Variants in EYA3 observed in about 807,000 individuals in gnomAD.
EYA3 encodes the protein protein phosphatase EYA3.
EYA3 carries 39 observed loss-of-function variants against 80.0 expected under a neutral mutation model. The ratio of observed to expected loss-of-function variants is 0.49; its 90% confidence interval spans 0.38 to 0.64. EYA3 has a LOEUF of 0.64. Ranked by LOEUF, EYA3 falls within the 30% of genes least tolerant of loss-of-function variation. The probability of loss-of-function intolerance (pLI) is 0.00; values close to 1 mark genes in which losing one functional copy is unlikely to be tolerated. For missense variants in EYA3, 523 were observed against 676.1 expected (o/e 0.77, Z 2.51); for synonymous variants, 206 against 232.8 (o/e 0.88, Z 1.05).
intron 9 of EYA3, among the ~76,000 whole-genome samples, chr1:28,012,777 G>A (rs6691100): frequency 0.24 from 35,858 of 152,054 alleles, 4,352 homozygotes; most frequent in Non-Finnish European, 0.27. Context: ...CAAAACCTGC[G>A]CAAGACTAAA....
At chr1:28,074,673 C>T (rs529114406) in intron 1 of EYA3, among the ~76,000 whole-genome samples, 39 of 152,236 alleles carry the variant, frequency 2.6e-4, no homozygotes, top group Non-Finnish European at 5.0e-4. Flanking sequence ...TAAAGTCTAA[C>T]ATTTGGGCTT....
At chr1:28,008,552 T>C (rs1344132319) in intron 10 of EYA3, among the ~76,000 whole-genome samples, 4 of 152,032 alleles carry the variant, frequency 2.6e-5, no homozygotes, top group Admixed American at 2.0e-4. Context: ...GAAGATTATA[T>C]ATCTGATTAA....
At chr1:28,034,636 G>T (rs967679744) in intron 6 of EYA3, among the ~76,000 whole-genome samples, 5 of 152,060 alleles carry the variant, frequency 3.3e-5, no homozygotes, top group Admixed American at 2.0e-4. Context: ...CTAAAAGTAA[G>T]AAAGCTGCCA....
At chr1:27,984,181 C>T (rs927120334) in intron 16 of EYA3, among the ~76,000 whole-genome samples, 1 of 152,166 alleles carries the variant, frequency 6.6e-6, no homozygotes, top group Non-Finnish European at 1.5e-5. Flanking sequence ...GGATTACAGG[C>T]ACTCACCACC....
At chr1:28,064,376 CTCTA>C (rs1190021257) in intron 1 of EYA3, among the ~76,000 whole-genome samples, 119 of 111,836 alleles carry the variant, frequency 1.1e-3, no homozygotes, top group Middle Eastern at 4.5e-3. Context: ...CTCTCTCTCT[CTCTA>C]TATATATATA....
chr1:28,079,406 T>G (rs946550371), intron 1 of EYA3, among the ~76,000 whole-genome samples: 1 of 152,210 alleles, frequency 6.6e-6, no homozygotes, highest in Non-Finnish European at 1.5e-5. Context: ...TCCTCAGTCC[T>G]CTTTTTTTGG....
chr1:28,068,998 G>T (rs899229233), intron 1 of EYA3, among the ~76,000 whole-genome samples: 14 of 151,866 alleles, frequency 9.2e-5, no homozygotes, highest in African/African-American at 1.5e-4. Flanking sequence ...GTAGAAACAG[G>T]GTTTCACCAT....
At chr1:28,084,755 T>TA (rs1317966943) in intron 1 of EYA3, among the ~76,000 whole-genome samples, 1 of 150,740 alleles carries the variant, frequency 6.6e-6, no homozygotes, top group Non-Finnish European at 1.5e-5. Context: ...ACTACAGGCA[T>TA]ACGCCGCCAC....
intron 14 of EYA3, among the ~76,000 whole-genome samples, chr1:27,992,434 G>A (rs1364654763): frequency 6.6e-6 from 1 of 152,112 alleles, no homozygotes; most frequent in African/African-American, 2.4e-5. Flanking sequence ...ACAGGAAGTG[G>A]AGCTCAGGCA....
chr1:28,030,303 A>AT (rs1318332815), intron 6 of EYA3, among the ~76,000 whole-genome samples: 1 of 152,052 alleles, frequency 6.6e-6, no homozygotes, highest in African/African-American at 2.4e-5. Context: ...TCACTTCTTA[A>AT]TTTTTTTGAG....
chr1:28,082,669 T>G (rs1645469950), intron 1 of EYA3, among the ~76,000 whole-genome samples: 1 of 152,178 alleles, frequency 6.6e-6, no homozygotes, highest in Non-Finnish European at 1.5e-5. Flanking sequence ...GTTTTAGTCT[T>G]CTGTTTTATA....
intron 12 of EYA3, 99 bp downstream of exon 12, chr1:27,999,861 C>T: frequency 1.2e-6 from 1 of 843,176 alleles, no homozygotes; most frequent in Non-Finnish European, 1.8e-6. Flanking sequence ...CATATCCACC[C>T]TATCTAAACA....
intron 12 of EYA3, among the ~76,000 whole-genome samples, chr1:27,998,110 C>A (rs1400913129): frequency 1.3e-5 from 2 of 152,202 alleles, no homozygotes; most frequent in African/African-American, 4.8e-5. Flanking sequence ...TCCTCTGATA[C>A]CACTTAGGGT....
chr1:28,005,659 G>T (rs1641212745), intron 10 of EYA3, among the ~76,000 whole-genome samples: 2 of 151,882 alleles, frequency 1.3e-5, no homozygotes, highest in African/African-American at 4.8e-5. Context: ...AGGATGCAGT[G>T]TGCAGGGACC....
intron 7 of EYA3, among the ~76,000 whole-genome samples, chr1:28,025,861 A>G (rs909725428): frequency 2.6e-5 from 4 of 152,178 alleles, no homozygotes; most frequent in Non-Finnish European, 5.9e-5. Flanking sequence ...CACAGGTTCA[A>G]GCGATTCTCA....
chr1:28,056,414 A>G (rs1206388473), intron 2 of EYA3, among the ~76,000 whole-genome samples: 1 of 152,158 alleles, frequency 6.6e-6, no homozygotes, highest in Non-Finnish European at 1.5e-5. Context: ...CCTGACCAAC[A>G]GTGGTACTTC....
At position 27,973,484 on chromosome 1, in the gene EYA3, G is replaced by C. The variant is rs1294852907; in HGVS notation, c.*982C>G. The C allele has an allele frequency of 6.6e-6, 1 of 152,134 alleles. No individual in the cohort carries two copies. The highest frequency in any genetic ancestry group is 1.5e-5 in the Non-Finnish European group (1 of 68,034). The allele number at this position is 152,134 out of a possible 1,614,324, so 9.4% of individuals were successfully genotyped here. A position where few individuals can be genotyped will look rare whatever the true frequency, so the allele number is the denominator to read the frequency against. On this transcript the variant is annotated 3_prime_UTR_variant, in exon 18 of 18. Coordinates refer to ENST00000373871, the MANE Select transcript of EYA3 (RefSeq NM_001990.4). Reference sequence around the variant, plus strand: ...ACCTTTCGGTCTCAAGAGCCAAGAAGCTGAAATTCATAAGACACTTTAGTT... The same window carrying C: ...ACCTTTCGGTCTCAAGAGCCAAGAACCTGAAATTCATAAGACACTTTAGTT...
chr1:27,982,973 T>A (rs564979407), intron 16 of EYA3, among the ~76,000 whole-genome samples: 1 of 152,218 alleles, frequency 6.6e-6, no homozygotes, highest in African/African-American at 2.4e-5. Context: ...TTTCTGTTCA[T>A]GGACAGGTTT....
chr1:28,048,468 G>GT, intron 2 of EYA3, 42 bp from the exon 3 acceptor site: 2 of 1,520,346 alleles, frequency 1.3e-6, no homozygotes, highest in South Asian at 1.2e-5. Flanking sequence ...TACTTGATCT[G>GT]TTTTTTAAAT....
Sources: gnomAD v4.1 joint callset for allele counts (sites outside exome capture counted in the v4.1 genomes callset) on GRCh38, gnomAD v4.1.1 for gene constraint, MANE v1.5 for transcripts, NCBI Gene and HGNC (gene_info 2026-07-23, HGNC 2026-07-21) for gene names.